SLC37A1: variants seen among roughly 807,000 people sequenced by gnomAD.
SLC37A1 encodes the protein solute carrier family 37 member 1, also known as glucose-6-phosphate exchanger SLC37A1.
A neutral mutation model predicts 75.3 loss-of-function variants in SLC37A1; 49 were observed. The ratio of observed to expected loss-of-function variants is 0.65; its 90% confidence interval spans 0.52 to 0.83. SLC37A1 has a LOEUF of 0.83. Among genes scored for constraint, SLC37A1 ranks in the 40% least tolerant of loss-of-function variants. The pLI, the probability that SLC37A1 is intolerant of heterozygous loss-of-function variation, is 0.00. For missense variants in SLC37A1, 566 were observed against 695.0 expected (o/e 0.81, Z 2.09); for synonymous variants, 268 against 292.1 (o/e 0.92, Z 0.84).
At chr21:42,557,764 G>A (rs1247585958) in intron 10 of SLC37A1, among the ~76,000 whole-genome samples, 6 of 149,804 alleles carry the variant, frequency 4.0e-5, no homozygotes, top group African/African-American at 1.5e-4. Flanking sequence ...GCAGGGGAAT[G>A]TGGAATACAT....
At chr21:42,528,041 C>G (rs148446038) in intron 3 of SLC37A1, among the ~76,000 whole-genome samples, 39 of 152,240 alleles carry the variant, frequency 2.6e-4, no homozygotes, top group Non-Finnish European at 4.3e-4. Context: ...TAAGCAAAAC[C>G]AAAGCAAAAT....
chr21:42,563,917 C>T (rs745772923), intron 13 of SLC37A1, 40 bp downstream of exon 13: 7 of 1,607,784 alleles, frequency 4.4e-6, no homozygotes, highest in East Asian at 2.2e-5. Context: ...ACAATAATTT[C>T]GCAAGGCGCA....
chr21:42,532,574 G>A (rs1354058798), intron 3 of SLC37A1, among the ~76,000 whole-genome samples: 1 of 152,200 alleles, frequency 6.6e-6, no homozygotes, highest in Non-Finnish European at 1.5e-5. Context: ...AAGGTGCCAA[G>A]GAGAAGTGTT....
At chr21:42,542,662 T>C (rs2055312729) in intron 7 of SLC37A1, among the ~76,000 whole-genome samples, 182 bp downstream of exon 7, 1 of 152,240 alleles carries the variant, frequency 6.6e-6, no homozygotes, top group Non-Finnish European at 1.5e-5. Flanking sequence ...ACAGGGGAGC[T>C]CCGCCCTCCC....
chr21:42,525,484 A>T (rs1192254039), intron 2 of SLC37A1, among the ~76,000 whole-genome samples: 3 of 151,998 alleles, frequency 2.0e-5, no homozygotes, highest in Admixed American at 2.0e-4. Context: ...TATGGGGAAA[A>T]CCCCTACACA....
intron 16 of SLC37A1, 83 bp downstream of exon 16, chr21:42,567,141 A>T: frequency 6.9e-7 from 1 of 1,442,270 alleles, no homozygotes; most frequent in Admixed American, 1.8e-5. Flanking sequence ...CATTACTGTT[A>T]GTAAAACTGC....
chr21:42,565,293 C>T (rs559329748), intron 14 of SLC37A1, among the ~76,000 whole-genome samples: 2 of 152,378 alleles, frequency 1.3e-5, no homozygotes, highest in African/African-American at 4.8e-5. Context: ...TTTTTATCAT[C>T]GTAACATTAG....
rs555025054 is a variant in SLC37A1, at chr21:42,539,567, G to T, written c.406G>T (p.Ala136Ser). 6.2e-7 allele frequency: 1 copy of T among 1,613,860 alleles called. No individual in the cohort carries two copies. Among genetic ancestry groups the T allele is most frequent in the African/African-American group, 1.3e-5 (1 of 74,928 alleles). Reference protein sequence around the residue: ...IRYYLTFGMLASGAFTALFGL... With the variant: ...IRYYLTFGMLSSGAFTALFGL... Reference sequence around the variant, plus strand: ...GTATTACCTAACTTTCGGGATGCTCGCCAGCGGAGCCTTCACCGCCCTGTT... The same window carrying T: ...GTATTACCTAACTTTCGGGATGCTCTCCAGCGGAGCCTTCACCGCCCTGTT... The change falls in exon 6 of 20, where the codon GCC becomes TCC. Residue 136 changes from alanine to serine, a missense_variant. Ala to Ser is a moderately conservative substitution (Grantham distance 99). Coordinates refer to ENST00000352133, the MANE Select transcript of SLC37A1 (RefSeq NM_001320537.2).
intron 3 of SLC37A1, among the ~76,000 whole-genome samples, chr21:42,529,788 T>C (rs111973079): frequency 2.0e-3 from 311 of 152,310 alleles, no homozygotes; most frequent in Non-Finnish European, 3.5e-3. Flanking sequence ...AAGGCAACAC[T>C]GTGCTCAGTG....
chr21:42,535,027 G>A (rs983890103), intron 4 of SLC37A1, among the ~76,000 whole-genome samples, 197 bp downstream of exon 4: 55 of 152,254 alleles, frequency 3.6e-4, no homozygotes, highest in African/African-American at 1.3e-3. Flanking sequence ...CTGAAAGAAG[G>A]TTCTCTTTAT....
chr21:42,567,989 G>A (rs762903473), intron 16 of SLC37A1, among the ~76,000 whole-genome samples: 4 of 152,246 alleles, frequency 2.6e-5, no homozygotes, highest in Non-Finnish European at 5.9e-5. Context: ...CAGCAGACAC[G>A]TGGATGTGTC....
intron 2 of SLC37A1, among the ~76,000 whole-genome samples, chr21:42,507,509 C>A (rs959288011): frequency 6.6e-6 from 1 of 152,112 alleles, no homozygotes; most frequent in African/African-American, 2.4e-5. Flanking sequence ...ATAGGCAACC[C>A]GGGAAAGAGT....
rs992141802 is a variant in SLC37A1 at position 42,579,745 on chromosome 21, C to T, written c.1531C>T (p.Arg511Cys). The T allele has an allele frequency of 9.9e-6, 16 of 1,614,032 alleles. No homozygotes were observed. Among genetic ancestry groups the T allele is most frequent in the East Asian group, 4.5e-5 (2 of 44,896 alleles). The change falls in exon 19 of 20, where the codon CGC (arginine) becomes TGC (cysteine). Residue 511 changes from arginine (R) to cysteine (C), a missense_variant. By Grantham distance (180) the Arg-to-Cys change is radical. Transcript: ENST00000352133. ...CTTTGTTTTGGTGCAGTTCCTGATC[C>T]GCCTCATACACAAGGAGCTGAGCTG... is the stretch of plus-strand genomic sequence containing the variant. ...ADACALLFLIRLIHKELSCPG... is the reference protein window; with the variant it reads ...ADACALLFLICLIHKELSCPG...
At position 42,552,689 on chromosome 21, in the gene SLC37A1, T is replaced by G. The variant is rs957383816; in HGVS notation, c.769-1373T>G. 4.6e-5 allele frequency among the ~76,000 whole-genome samples: 7 copies of G among 152,164 alleles called. No individual in the cohort carries two copies. Among genetic ancestry groups the G allele is most frequent in the African/African-American group, 1.4e-4 (6 of 41,444 alleles). On this transcript the variant is annotated intron_variant, in intron 9 of 19. Coordinates refer to ENST00000352133, the MANE Select transcript of SLC37A1 (RefSeq NM_001320537.2). The surrounding 1 kb of genome is among the most constrained non-coding windows in gnomAD (Gnocchi z 4.2). ...CAGGCCCCTTCCCTTTCAGGAGACT[T>G]CCTAGCATTTCCTAACATCATTTCT...
In SLC37A1 at chr21:42,535,505, T is replaced by A. The variant is rs1377504910; in HGVS notation, c.305T>A (p.Leu102Gln). ...AACTATCAGCAGCTGCTTGGGGCCC[T>A]GGACTACTCCTTCCTGTGCGCCTAT... ...KNNYQQLLGA[L>Q]DYSFLCAYAV... The change falls in exon 5 of 20, where the codon CTG becomes CAG. Residue 102 changes from leucine (L) to glutamine (Q), a missense_variant. Leu to Gln is a moderately radical substitution (Grantham distance 113). Coordinates refer to ENST00000352133, the MANE Select transcript of SLC37A1 (RefSeq NM_001320537.2). The A allele has an allele frequency of 6.2e-7, 1 of 1,612,450 alleles. No individual in the cohort carries two copies. The highest frequency in any genetic ancestry group is 1.1e-5 in the South Asian group (1 of 91,054).
intron 18 of SLC37A1, 33 bp downstream of exon 18, chr21:42,574,948 T>C: frequency 1.9e-6 from 3 of 1,613,060 alleles, no homozygotes; most frequent in Non-Finnish European, 2.5e-6. Flanking sequence ...CAATCCACCT[T>C]GAATGCAGAT....
Position 42,575,506 on chromosome 21 carries a change from C to T in SLC37A1, c.1521+591C>T, listed in dbSNP as rs139304692. ...TTTCTCTGGGCTCCTGCTTCTGTGC[C>T]CTCCTGTGTTGAGAAAGTTTGAGGT... is the stretch of plus-strand genomic sequence containing the variant. On this transcript the variant is annotated intron_variant, in intron 18 of 19. Coordinates refer to ENST00000352133, the MANE Select transcript of SLC37A1 (RefSeq NM_001320537.2). 2.2e-4 allele frequency: 221 copies of T among 985,436 alleles called. No homozygotes were observed. In the African/African-American group the frequency reaches 2.8e-3, roughly 13 times the overall value. 61.0% of individuals were successfully genotyped at this position (985,436 alleles called of 1,614,324 possible). A position where few individuals can be genotyped will look rare whatever the true frequency, so the allele number is the denominator to read the frequency against.
At chr21:42,559,568 T>G (rs916102652) in intron 11 of SLC37A1, among the ~76,000 whole-genome samples, 11 of 152,240 alleles carry the variant, frequency 7.2e-5, no homozygotes, top group Non-Finnish European at 1.6e-4. Context: ...CCCGGCTGGA[T>G]TCTCTTTCCC....
intron 17 of SLC37A1, among the ~76,000 whole-genome samples, chr21:42,572,269 G>A (rs1026583241): frequency 2.0e-5 from 3 of 152,018 alleles, no homozygotes; most frequent in Non-Finnish European, 4.4e-5. Flanking sequence ...CTTACCCCGG[G>A]AGCCTTTCTT....
Sources: allele counts gnomAD v4.1 joint callset (sites outside exome capture counted in the v4.1 genomes callset), GRCh38; gene constraint gnomAD v4.1.1; non-coding constraint Gnocchi (gnomAD v3.1); transcripts MANE v1.5; gene names NCBI Gene and HGNC (gene_info 2026-07-23, HGNC 2026-07-21).